PTCRA: variants seen among roughly 807,000 people sequenced by gnomAD.
PTCRA encodes the protein pre T cell antigen receptor alpha, also known as pre T-cell antigen receptor alpha.
Under a neutral mutation model 13.4 loss-of-function variants are expected in PTCRA, and 9 were observed. The observed-to-expected ratio is 0.67, with a 90% CI of 0.41 to 1.18. The LOEUF (loss-of-function observed/expected upper bound fraction) is 1.18, where lower values mean the gene tolerates loss of function less well. Ranked by LOEUF, PTCRA falls within the 50% of genes most tolerant of loss-of-function variation. The pLI is 0.01. For missense variants in PTCRA, 353 were observed against 359.8 expected, an observed-to-expected ratio of 0.98 and a Z score of 0.15; for synonymous variants, 153 against 161.9, an observed-to-expected ratio of 0.94 and a Z score of 0.42.
chr6:42,920,672 A>G (rs914358084), intron 1 of PTCRA, among the ~76,000 whole-genome samples: 2 of 152,032 alleles, frequency 1.3e-5, no homozygotes, highest in East Asian at 2.0e-4. Context: ...TGATCCACCC[A>G]CCTTGGCCTC....
At chr6:42,921,751 A>G (rs1269066869) in intron 1 of PTCRA, among the ~76,000 whole-genome samples, 3 of 126,964 alleles carry the variant, frequency 2.4e-5, no homozygotes, top group Non-Finnish European at 3.4e-5. Flanking sequence ...AAAAAAAAAA[A>G]GGCTGGGTGT....
intron 1 of PTCRA, 34 bp from the exon 2 acceptor site, chr6:42,922,993 G>A (rs777033596): frequency 6.2e-7 from 1 of 1,607,516 alleles, no homozygotes; most frequent in South Asian, 1.1e-5. Context: ...GCCAAAAGCT[G>A]GTCTAGCACC....
chr6:42,925,766 C>A lies in PTCRA; in HGVS notation c.*84C>A. 1.1e-6 allele frequency: 1 copy of A among 900,962 alleles called. No individual in the cohort carries two copies. The highest frequency in any genetic ancestry group is 1.6e-6 in the Non-Finnish European group (1 of 612,508). 55.8% of individuals were successfully genotyped at this position (900,962 alleles called of 1,614,324 possible). On this transcript the variant is annotated 3_prime_UTR_variant, in exon 4 of 4. Transcript: ENST00000304672. This position sits in a 1 kb window ranked among gnomAD's most constrained non-coding sequence, Gnocchi z 4.4. The stretch of plus-strand genomic sequence containing the variant: ...AAGGGGGCCCCTTGAGAATGGTGAT[C>A]CACCCAGTTACAGGGGCATTTAGGG...
intron 1 of PTCRA, among the ~76,000 whole-genome samples, chr6:42,922,020 G>A (rs946951927): frequency 5.3e-5 from 8 of 151,636 alleles, no homozygotes; most frequent in Admixed American, 1.3e-4. Context: ...GCAAGACTCC[G>A]TCTCAAAAAG....
chr6:42,920,787 T>A (rs1767116470), intron 1 of PTCRA, among the ~76,000 whole-genome samples: 1 of 150,690 alleles, frequency 6.6e-6, no homozygotes, highest in Non-Finnish European at 1.5e-5. Flanking sequence ...AATTGTCTGG[T>A]ATGTGGACTA....
At chr6:42,922,277 T>A (rs1562528404) in intron 1 of PTCRA, 2 of 702,330 alleles carry the variant, frequency 2.8e-6, no homozygotes, top group African/African-American at 3.5e-5. Context: ...CAAGTATTTT[T>A]TTTACACATC....
chr6:42,924,196 C>T (rs747237200), intron 2 of PTCRA, 33 bp from the exon 3 acceptor site: 2 of 1,590,792 alleles, frequency 1.3e-6, no homozygotes, highest in East Asian at 2.3e-5. Context: ...TGGCCCATCC[C>T]CAAAGACTCA....
At chr6:42,917,200 T>TATC (rs1766911375) in intron 1 of PTCRA, among the ~76,000 whole-genome samples, 1 of 108,386 alleles carries the variant, frequency 9.2e-6, no homozygotes, top group African/African-American at 6.4e-5. Flanking sequence ...ATATTATTAT[T>TATC]ATTATTATTA....
At chr6:42,923,592 C>T (rs1406537863) in intron 2 of PTCRA, among the ~76,000 whole-genome samples, 1 of 152,186 alleles carries the variant, frequency 6.6e-6, no homozygotes, top group Non-Finnish European at 1.5e-5. Flanking sequence ...ATAAAAATGC[C>T]TCCTTCCACC....
intron 2 of PTCRA, among the ~76,000 whole-genome samples, chr6:42,923,583 T>A (rs1002862287): frequency 6.6e-6 from 1 of 152,194 alleles, no homozygotes; most frequent in Admixed American, 6.5e-5. Flanking sequence ...CTTCCAAGGA[T>A]AAAAATGCCT....
intron 3 of PTCRA, chr6:42,924,500 G>C (rs1311096833): frequency 1.7e-6 from 1 of 600,610 alleles, no homozygotes; most frequent in Non-Finnish European, 3.0e-6. Flanking sequence ...CTGGACATTA[G>C]TTGAGAAGCA....
chr6:42,925,464 T>C lies in PTCRA; in HGVS notation c.628T>C (p.Ser210Pro), dbSNP rs1011415066. The change falls in exon 4 of 4, where the codon TCA becomes CCA. Residue 210 changes from serine to proline, a missense_variant. By Grantham distance (74) the Ser-to-Pro change is moderately conservative. Transcript: ENST00000304672. This position sits in a 1 kb window ranked among gnomAD's most constrained non-coding sequence, Gnocchi z 4.4. ...TETGGREATS[S>P]PRPQPRDRRW... is the part of the protein sequence containing the mutation. ...GACTGGGGGACGAGAGGCCACCAGC[T>C]CACCCAGACCCCAGCCTCGGGACCG... 6.4e-7 allele frequency: 1 copy of C among 1,556,492 alleles called. No individual in the cohort carries two copies.
chr6:42,918,026 C>T (rs996530756), intron 1 of PTCRA, among the ~76,000 whole-genome samples: 6 of 152,078 alleles, frequency 3.9e-5, no homozygotes, highest in South Asian at 2.1e-4. Flanking sequence ...AAGGCCAAGG[C>T]GGGCAGATCA....
intron 1 of PTCRA, among the ~76,000 whole-genome samples, chr6:42,921,412 CTTTTTTTTTTTTTT>C (rs59029514): frequency 4.7e-5 from 4 of 85,640 alleles, no homozygotes; most frequent in African/African-American, 2.2e-4. Flanking sequence ...AACAAAGCTT[CTTTTTTTTTTTTTT>C]TTTTTTTTTT....
intron 1 of PTCRA, among the ~76,000 whole-genome samples, chr6:42,916,620 A>T (rs992214816): frequency 1.3e-5 from 2 of 152,186 alleles, no homozygotes; most frequent in Non-Finnish European, 2.9e-5. Context: ...CACGCTTATC[A>T]GTGGGCTCAG....
chr6:42,919,508 G>A (rs1327777235), intron 1 of PTCRA, among the ~76,000 whole-genome samples: 1 of 151,724 alleles, frequency 6.6e-6, no homozygotes, highest in Non-Finnish European at 1.5e-5. Flanking sequence ...GAGCGCTGAA[G>A]TTCAAGACCA....
intron 1 of PTCRA, 75 bp from the exon 2 acceptor site, chr6:42,922,952 C>T: frequency 7.3e-7 from 1 of 1,374,698 alleles, no homozygotes; most frequent in Admixed American, 1.7e-5. Flanking sequence ...AATGTAGAAC[C>T]CTAGCCTACA....
rs1767319061 is a variant in PTCRA, at chr6:42,924,219, T to C, written c.380-10T>C. 1.2e-6 allele frequency: 2 copies of C among 1,606,216 alleles called. No individual in the cohort carries two copies. Among genetic ancestry groups the C allele is most frequent in the African/African-American group, 2.7e-5 (2 of 74,410 alleles). On this transcript the variant is annotated splice_polypyrimidine_tract_variant and intron_variant, in intron 2 of 3. Coordinates refer to ENST00000304672, the MANE Select transcript of PTCRA (RefSeq NM_138296.3). ...CCCCAAAGACTCATTCGCTTCTCCC[T>C]GGACAACAGGAGAGGCTTCTACAGC...
Position 42,925,203 on chromosome 6 carries a change from T to C in PTCRA, c.425-58T>C. On this transcript the variant is annotated intron_variant, in intron 3 of 3. Coordinates refer to ENST00000304672, the MANE Select transcript of PTCRA (RefSeq NM_138296.3). The surrounding 1 kb of genome is among the most constrained non-coding windows in gnomAD (Gnocchi z 4.4). Reference sequence around the variant, plus strand: ...GAGGACAAGGCCCTCTCCGCCGTTCTCTCCTGGGGTAGGGGGCTGCGGGCT... The same window carrying C: ...GAGGACAAGGCCCTCTCCGCCGTTCCCTCCTGGGGTAGGGGGCTGCGGGCT... The C allele has an allele frequency of 6.5e-7, 1 of 1,530,260 alleles. No individual in the cohort carries two copies. Among genetic ancestry groups the C allele is most frequent in the South Asian group, 1.2e-5 (1 of 83,172 alleles). The allele number at this position is 1,530,260 out of a possible 1,614,324, so 94.8% of individuals were successfully genotyped here.
Sources: gnomAD v4.1 joint callset for allele counts (sites outside exome capture counted in the v4.1 genomes callset) on GRCh38, gnomAD v4.1.1 for gene constraint, Gnocchi (gnomAD v3.1) non-coding constraint, MANE v1.5 for transcripts, NCBI Gene and HGNC (gene_info 2026-07-23, HGNC 2026-07-21) for gene names.